The following TRDN variants were observed in gnomAD, a reference collection of about 807,000 sequenced individuals.
TRDN encodes triadin in skeletal muscle.
A neutral mutation model predicts 149.7 loss-of-function variants in TRDN; 161 were observed. The ratio of observed to expected loss-of-function variants is 1.08; its 90% confidence interval spans 0.95 to 1.23. The LOEUF (loss-of-function observed/expected upper bound fraction) is 1.23. Ranked by LOEUF, TRDN falls within the 50% of genes most tolerant of loss-of-function variation. The pLI is 0.00. For missense variants in TRDN, 896 were observed against 823.5 expected (o/e 1.09, Z -1.08); for synonymous variants, 294 against 250.5 (o/e 1.17, Z -1.64).
At chr6:123,464,257 T>G (rs1403305867) in intron 10 of TRDN, 1 of 984,458 alleles carries the variant, frequency 1.0e-6, no homozygotes, top group Admixed American at 6.1e-5. Context: ...GACTTTAACG[T>G]TCCAGCAAAA....
At chr6:123,395,374 T>C (rs925929341) in intron 12 of TRDN, among the ~76,000 whole-genome samples, 6 of 152,122 alleles carry the variant, frequency 3.9e-5, no homozygotes, top group African/African-American at 1.4e-4. Flanking sequence ...TGTCAGCTGC[T>C]TTCTCCCTCA....
intron 9 of TRDN, among the ~76,000 whole-genome samples, chr6:123,486,683 T>G (rs144588320): frequency 1.3e-5 from 2 of 152,124 alleles, no homozygotes. Flanking sequence ...ACTTTAATAA[T>G]AATAATTTTT....
chr6:123,528,883 A>T (rs1450388455), intron 5 of TRDN: 1 of 1,032,612 alleles, frequency 9.7e-7, no homozygotes, highest in African/African-American at 1.7e-5. Flanking sequence ...CTTTCTTAAG[A>T]AATAGTTACT....
intron 10 of TRDN, among the ~76,000 whole-genome samples, chr6:123,440,134 G>C (rs533886458): frequency 1.3e-5 from 2 of 152,204 alleles, no homozygotes; most frequent in Admixed American, 1.3e-4. Context: ...TAGGTATAGA[G>C]CTTTTTTACC....
At chr6:123,262,102 G>A (rs1488021048) in intron 33 of TRDN, among the ~76,000 whole-genome samples, 1 of 151,870 alleles carries the variant, frequency 6.6e-6, no homozygotes, top group Admixed American at 6.6e-5. Flanking sequence ...ACTGTTTATT[G>A]TTGCATATTT....
At chr6:123,574,893 TAC>T (rs1321883957) in intron 1 of TRDN, among the ~76,000 whole-genome samples, 3,657 of 93,742 alleles carry the variant, frequency 0.039, 149 homozygotes, top group African/African-American at 0.12. Context: ...TATATATATA[TAC>T]ACACATTTTC....
At chr6:123,384,770 A>G (rs1781845682) in intron 14 of TRDN, among the ~76,000 whole-genome samples, 1 of 152,216 alleles carries the variant, frequency 6.6e-6, no homozygotes, top group South Asian at 2.1e-4. Context: ...TTTGGAGTCA[A>G]TAGTGCAACA....
At chr6:123,504,019 G>A (rs767902941) in intron 7 of TRDN, 118 bp from the exon 8 acceptor site, 35 of 1,131,768 alleles carry the variant, frequency 3.1e-5, no homozygotes, top group Non-Finnish European at 4.2e-5. Context: ...TAAGTCACAA[G>A]TGTTTATGTT....
chr6:123,558,373 C>T (rs1562387596), intron 2 of TRDN, among the ~76,000 whole-genome samples: 1 of 152,156 alleles, frequency 6.6e-6, no homozygotes. Context: ...CACCTCCCCT[C>T]CTCACACCCG....
intron 1 of TRDN, among the ~76,000 whole-genome samples, chr6:123,619,321 T>C (rs998180374): frequency 1.3e-5 from 2 of 152,304 alleles, no homozygotes; most frequent in Admixed American, 6.5e-5. Context: ...TACTGGGGAC[T>C]AGAGGATCCA....
intron 40 of TRDN, among the ~76,000 whole-genome samples, chr6:123,220,445 T>C (rs965963961): frequency 1.3e-5 from 2 of 151,896 alleles, no homozygotes; most frequent in African/African-American, 4.8e-5. Flanking sequence ...CGTTGCTATA[T>C]AAAATGAAAA....
chr6:123,313,107 C>T (rs979704088), intron 24 of TRDN, among the ~76,000 whole-genome samples: 2 of 151,908 alleles, frequency 1.3e-5, no homozygotes, highest in African/African-American at 4.8e-5. Flanking sequence ...TTTTTAGATT[C>T]TTGTATTGTG....
At chr6:123,500,558 T>C (rs1051122530) in intron 8 of TRDN, among the ~76,000 whole-genome samples, 11 of 152,208 alleles carry the variant, frequency 7.2e-5, no homozygotes, top group South Asian at 2.1e-4. Context: ...AGTTCTGAGA[T>C]AATAATTTAT....
At chr6:123,483,476 C>T (rs1466275031) in intron 9 of TRDN, among the ~76,000 whole-genome samples, 1 of 151,918 alleles carries the variant, frequency 6.6e-6, no homozygotes, top group African/African-American at 2.4e-5. Flanking sequence ...AAAAAATGGC[C>T]AAATAAATAG....
At chr6:123,474,431 C>T (rs1343666367) in intron 9 of TRDN, among the ~76,000 whole-genome samples, 1 of 151,972 alleles carries the variant, frequency 6.6e-6, no homozygotes, top group African/African-American at 2.4e-5. Flanking sequence ...TAAAGCAAGT[C>T]CTGAGTGACC....
At chr6:123,250,947 A>G (rs975380032) in intron 38 of TRDN, among the ~76,000 whole-genome samples, 2 of 152,062 alleles carry the variant, frequency 1.3e-5, no homozygotes, top group African/African-American at 4.8e-5. Flanking sequence ...TTCTGATGCT[A>G]TCTTTCTTTG....
chr6:123,473,273 A>G (rs941326065), intron 9 of TRDN, among the ~76,000 whole-genome samples: 3 of 152,192 alleles, frequency 2.0e-5, no homozygotes, highest in African/African-American at 7.2e-5. Flanking sequence ...CTGAAAACCA[A>G]GGCTTGAGAA....
intron 8 of TRDN, 149 bp from the exon 9 acceptor site, chr6:123,497,401 T>C (rs1177364005): frequency 1.6e-5 from 8 of 509,558 alleles, no homozygotes; most frequent in African/African-American, 6.1e-5. Context: ...TTTGCACTTA[T>C]ATGAAAATAC....
At chr6:123,382,434 A>G (rs1007009764) in intron 14 of TRDN, among the ~76,000 whole-genome samples, 3 of 151,762 alleles carry the variant, frequency 2.0e-5, no homozygotes, top group Non-Finnish European at 4.4e-5. Flanking sequence ...CATATAATTT[A>G]TAAAGAAATT....
Sources: gnomAD v4.1 joint callset for allele counts (sites outside exome capture counted in the v4.1 genomes callset) on GRCh38, gnomAD v4.1.1 for gene constraint, MANE v1.5 for transcripts, NCBI Gene and HGNC (gene_info 2026-07-23, HGNC 2026-07-21) for gene names.